PGAP6: variants seen among roughly 807,000 people sequenced by gnomAD.
PGAP6 encodes post-GPI attachment to proteins factor 6.
Under a neutral mutation model 68.4 loss-of-function variants are expected in PGAP6, and 62 were observed. The observed-to-expected ratio is 0.91, with a 90% CI of 0.74 to 1.12. The LOEUF (loss-of-function observed/expected upper bound fraction) is 1.12, where lower values mean the gene tolerates loss of function less well. Ranked by LOEUF, PGAP6 falls within the 50% of genes most tolerant of loss-of-function variation. The probability of loss-of-function intolerance (pLI) is 0.00; values close to 1 mark genes in which losing one functional copy is unlikely to be tolerated. For missense variants in PGAP6, 1,188 were observed against 1,068.5 expected (o/e 1.11, Z -1.56); for synonymous variants, 575 against 474.0 (o/e 1.21, Z -2.77).
At chr16:374,188 C>G in intron 10 of PGAP6, 33 bp downstream of exon 10, 1 of 1,610,580 alleles carries the variant, frequency 6.2e-7, no homozygotes, top group Non-Finnish European at 8.5e-7. Context: ...CCTGCCCTCC[C>G]ACCCCACATC....
At position 374,736 on chromosome 16, in the gene PGAP6, G is replaced by T; in HGVS notation, c.1576+20C>A. 2 of 1,611,850 alleles carry T rather than the reference G, an allele frequency of 1.2e-6. No homozygotes were observed. The highest frequency in any genetic ancestry group is 1.7e-6 in the Non-Finnish European group (2 of 1,179,732). On this transcript the variant is annotated intron_variant, in intron 9 of 12. Transcript: ENST00000431232. ...CCAACAGCAGCAGCGTCTCGGGGCG[G>T]GCGGGGCCCTGGCACTCACCTGCCT...
intron 3 of PGAP6, 105 bp downstream of exon 3, chr16:377,273 G>A (rs2054393401): frequency 2.5e-6 from 4 of 1,582,278 alleles, no homozygotes; most frequent in Admixed American, 1.7e-5. Flanking sequence ...GCCCCAGAGT[G>A]CAGCGTGGAG....
At position 375,782 on chromosome 16, in the gene PGAP6, G is replaced by A. The variant is rs185512186; in HGVS notation, c.1225-347C>T. On this transcript the variant is annotated intron_variant, in intron 6 of 12. Coordinates refer to ENST00000431232, the MANE Select transcript of PGAP6 (RefSeq NM_021259.3). ...CCTGACCTCGTGATCCACCCTCCTC[G>A]GCCTCCCAAAGTGCTGGGATTACAG... is the stretch of plus-strand genomic sequence containing the variant. Among the ~76,000 whole-genome samples, 1,133 of 151,970 alleles carry A rather than the reference G, an allele frequency of 7.5e-3. 6 individuals carry two copies. The highest frequency in any genetic ancestry group is 0.014 in the Middle Eastern group (4 of 294).
chr16:374,471 C>T, intron 9 of PGAP6, 72 bp from the exon 10 acceptor site: 2 of 1,437,192 alleles, frequency 1.4e-6, no homozygotes, highest in Non-Finnish European at 1.8e-6. Flanking sequence ...TCACCCAGGA[C>T]CCTGCAGAGA....
intron 11 of PGAP6, among the ~76,000 whole-genome samples, chr16:373,619 C>T (rs1573734): frequency 0.55 from 83,365 of 152,178 alleles, 23,224 homozygotes; most frequent in South Asian, 0.67. Context: ...CTCACTCCAA[C>T]GCCTCCAATG....
At chr16:383,188 G>A (rs939179902), upstream of PGAP6, 4 of 131,198 alleles carry the variant, frequency 3.0e-5, no homozygotes, top group Non-Finnish European at 6.5e-5. Context: ...AGGATGTGAG[G>A]GTAAAAAGTT....
chr16:377,439 G>A lies in PGAP6; in HGVS notation c.446C>T (p.Ala149Val), dbSNP rs760656263. The change falls in exon 3 of 13, where the codon GCC (alanine) becomes GTC (valine). Residue 149 changes from alanine to valine, a missense_variant. Transcript: ENST00000431232. The part of the protein sequence containing the change: ...SNASVNVSHP[A>V]PGDWFVAAHL... ...GGCGGCCACGAACCAGTCCCCGGGG[G>A]CCGGGTGGGAAACGTTGACGGAGGC... is the stretch of plus-strand genomic sequence containing the variant. 1 of 1,610,618 alleles carries A rather than the reference G, an allele frequency of 6.2e-7. No homozygotes were observed. The highest frequency in any genetic ancestry group is 8.5e-7 in the Non-Finnish European group (1 of 1,178,906).
chr16:381,692 C>G lies in PGAP6; in HGVS notation c.121+9G>C. On this transcript the variant is annotated intron_variant, in intron 1 of 12. Transcript: ENST00000431232. ...CACGCCCCCGATGGCGCCCGCGCCT[C>G]CCGCTCACCGCTCTTCCCGCTGTAG... The G allele has an allele frequency of 8.3e-7, 1 of 1,205,872 alleles. No homozygotes were observed. The highest frequency in any genetic ancestry group is 1.0e-6 in the Non-Finnish European group (1 of 970,516). 74.7% of individuals were successfully genotyped at this position (1,205,872 alleles called of 1,614,324 possible). A position where few individuals can be genotyped will look rare whatever the true frequency, so the allele number is the denominator to read the frequency against.
chr16:377,061 A>G lies in PGAP6; in HGVS notation c.611T>C (p.Leu204Pro). ...CTTGAGGTAGCTGGGATGGGAGAGGAGGGTCTGAGGAAGGGGCACGTCCGG... is the reference window on the plus strand; with the variant it reads ...CTTGAGGTAGCTGGGATGGGAGAGGGGGGTCTGAGGAAGGGGCACGTCCGG... ...MEPDVPLPQT[L>P]LSHPSYLKVF... The change falls in exon 4 of 13, where the codon CTC becomes CCC. Residue 204 changes from leucine to proline, a missense_variant. Coordinates refer to ENST00000431232, the MANE Select transcript of PGAP6 (RefSeq NM_021259.3). The G allele has an allele frequency of 6.2e-7, 1 of 1,613,132 alleles. No homozygotes were observed. The highest frequency in any genetic ancestry group is 8.5e-7 in the Non-Finnish European group (1 of 1,179,914).
chr16:382,018 G>C, upstream of PGAP6: 1 of 886,590 alleles, frequency 1.1e-6, no homozygotes, highest in South Asian at 5.2e-5. Flanking sequence ...AGCCGGGAAG[G>C]CGAGGGCGGG....
rs746056436 is a variant in PGAP6, at chr16:376,993, G to T, written c.635+44C>A. On this transcript the variant is annotated intron_variant, in intron 4 of 12. Coordinates refer to ENST00000431232, the MANE Select transcript of PGAP6 (RefSeq NM_021259.3). ...CACCCACTCCACCGAATCTGAGAAG[G>T]GGCCGGAGGGCAGAGCCGGGCTGCC... 8 of 1,608,672 alleles carry T rather than the reference G, an allele frequency of 5.0e-6. No individual in the cohort carries two copies. In the South Asian group the frequency reaches 7.7e-5, roughly 15 times the overall value.
intron 1 of PGAP6, 105 bp downstream of exon 1, chr16:381,596 G>T: frequency 1.1e-6 from 1 of 944,262 alleles, no homozygotes; most frequent in Non-Finnish European, 1.3e-6. Context: ...CCCCAACCCC[G>T]CGCCGGCGCC....
Position 372,694 on chromosome 16 carries a change from T to C in PGAP6, c.1936A>G (p.Met646Val), listed in dbSNP as rs746218290. 10 of 1,612,344 alleles carry C rather than the reference T, an allele frequency of 6.2e-6. No homozygotes were observed. Among genetic ancestry groups the C allele is most frequent in the African/African-American group, 1.3e-5 (1 of 74,994 alleles). ...LFLLGTLVIA[M>V]SLQLDRRGMW... ...CCCCTGCGGTCCAGCTGCAAGGACA[T>C]GGCGATGACCAGTGTACCCAGAAGA... The change falls in exon 12 of 13, where the codon ATG (methionine) becomes GTG (valine). Residue 646 changes from methionine to valine, a missense_variant. Coordinates refer to ENST00000431232, the MANE Select transcript of PGAP6 (RefSeq NM_021259.3).
At chr16:385,263 G>A (rs911666892), upstream of PGAP6, among the ~76,000 whole-genome samples, 10 of 151,272 alleles carry the variant, frequency 6.6e-5, no homozygotes, top group East Asian at 1.9e-4. Flanking sequence ...AAACCTGGGC[G>A]CTCCATGAGG....
intron 2 of PGAP6, 23 bp from the exon 3 acceptor site, chr16:377,608 G>A (rs747223816): frequency 1.7e-5 from 26 of 1,568,414 alleles, no homozygotes; most frequent in East Asian, 4.7e-5. Context: ...GAGCAGCACC[G>A]GGTTCAGGCA....
upstream of PGAP6, chr16:382,216 G>A (rs2054450308): frequency 1.0e-5 from 4 of 392,952 alleles, no homozygotes; most frequent in Middle Eastern, 6.3e-4. Context: ...GTCGCGCCGG[G>A]CGCGCTCGGA....
chr16:372,861 C>T (rs2054347494), intron 11 of PGAP6, 134 bp from the exon 12 acceptor site: 2 of 637,482 alleles, frequency 3.1e-6, no homozygotes, highest in Non-Finnish European at 5.5e-6. Flanking sequence ...ACCAGCTCTG[C>T]CAGCCTCTGA....
upstream of PGAP6, among the ~76,000 whole-genome samples, chr16:384,709 A>G (rs535549101): frequency 2.0e-5 from 3 of 152,088 alleles, no homozygotes; most frequent in Non-Finnish European, 4.4e-5. Context: ...ATAAAAAGTT[A>G]GCCGGGCGTG....
intron 1 of PGAP6, among the ~76,000 whole-genome samples, chr16:378,206 T>TGCCATCGCCACCCG (rs2054404951): frequency 1.8e-5 from 1 of 55,156 alleles, no homozygotes; most frequent in African/African-American, 6.9e-5. Flanking sequence ...ATCGCCACCC[T>TGCCATCGCCACCCG]GACTGCCATC....
Sources: allele counts gnomAD v4.1 joint callset (sites outside exome capture counted in the v4.1 genomes callset), GRCh38; gene constraint gnomAD v4.1.1; transcripts MANE v1.5; gene names NCBI Gene and HGNC (gene_info 2026-07-23, HGNC 2026-07-21).